The following KCP variants were observed in gnomAD, a reference collection of about 807,000 sequenced individuals.
KCP encodes kielin cysteine rich BMP regulator.
A neutral mutation model predicts 212.7 loss-of-function variants in KCP; 194 were observed. That is an observed-to-expected ratio of 0.91 (90% CI 0.81 to 1.03). The LOEUF (loss-of-function observed/expected upper bound fraction) is 1.03, where lower values mean the gene tolerates loss of function less well. Ranked by LOEUF, KCP falls within the 50% of genes least tolerant of loss-of-function variation. The pLI is 0.00. For missense variants in KCP, 2,080 were observed against 2,162.5 expected, an observed-to-expected ratio of 0.96 and a Z score of 0.76; for synonymous variants, 833 against 865.3, an observed-to-expected ratio of 0.96 and a Z score of 0.65.
chr7:128,884,205 C>CT lies in KCP; in HGVS notation c.3124-84dup. ...TGGCCGGGACTTCCGGCCCCTCCCT[C>CT]TGCCTGCTGCAGCCTCTTCCGGGAC... On this transcript the variant is annotated intron_variant, in intron 28 of 39. Transcript: ENST00000610776. The CT allele has an allele frequency of 2.0e-6, 3 of 1,465,948 alleles. No homozygotes were observed. In the South Asian group the frequency reaches 3.9e-5, roughly 19 times the overall value. 90.8% of individuals were successfully genotyped at this position (1,465,948 alleles called of 1,614,324 possible).
chr7:128,890,211 C>G (rs1472433520), intron 21 of KCP, 132 bp downstream of exon 21: 1 of 1,513,610 alleles, frequency 6.6e-7, no homozygotes, highest in South Asian at 1.2e-5. Flanking sequence ...TCAGCTAGGG[C>G]TCCCAGCCTC....
chr7:128,897,478 G>T (rs938129127), intron 8 of KCP, among the ~76,000 whole-genome samples: 1 of 152,160 alleles, frequency 6.6e-6, no homozygotes, highest in African/African-American at 2.4e-5. Flanking sequence ...TTGTGTGTGT[G>T]ATGTTTATAT....
Position 128,910,539 on chromosome 7 carries a change from G to T in KCP, c.76+62C>A, listed in dbSNP as rs138161694. On this transcript the variant is annotated intron_variant, in intron 1 of 39. Coordinates refer to ENST00000610776, the MANE Select transcript of KCP (RefSeq NM_001366122.1). ...CAGCCCCTCTCGGCCCCCTCAGGCCGGGCTGATAGGAGGGAGGGGGCGCAC... is the reference window on the plus strand; with the variant it reads ...CAGCCCCTCTCGGCCCCCTCAGGCCTGGCTGATAGGAGGGAGGGGGCGCAC... 1,746 of 1,429,348 alleles carry T rather than the reference G, an allele frequency of 1.2e-3. 38 individuals are homozygous for T. In the East Asian group the frequency reaches 0.041, roughly 34 times the overall value. 88.5% of individuals were successfully genotyped at this position (1,429,348 alleles called of 1,614,324 possible).
intron 23 of KCP, 117 bp downstream of exon 23, chr7:128,887,098 A>G: frequency 9.2e-7 from 1 of 1,090,838 alleles, no homozygotes; most frequent in Non-Finnish European, 1.4e-6. Context: ...CTGTCCCATG[A>G]GATGTGAAGG....
chr7:128,902,737 G>T, intron 8 of KCP, 40 bp downstream of exon 8: 1 of 1,510,318 alleles, frequency 6.6e-7, no homozygotes, highest in Non-Finnish European at 9.0e-7. Context: ...GGGCCTGAGG[G>T]CAGGGAGGGG....
In KCP at chr7:128,876,885, A is replaced by T; in HGVS notation, c.*158T>A. 1 of 790,256 alleles carries T rather than the reference A, an allele frequency of 1.3e-6. No homozygotes were observed. The highest frequency in any genetic ancestry group is 1.9e-6 in the Non-Finnish European group (1 of 526,648). 49.0% of individuals were successfully genotyped at this position (790,256 alleles called of 1,614,324 possible). A position where few individuals can be genotyped will look rare whatever the true frequency, so the allele number is the denominator to read the frequency against. Reference sequence around the variant, plus strand: ...AAGCCTTCGGGCAGGCCTAGAGTTTACTGCTGGTGACTCAACATGGCGGGG... The same window carrying T: ...AAGCCTTCGGGCAGGCCTAGAGTTTTCTGCTGGTGACTCAACATGGCGGGG... On this transcript the variant is annotated 3_prime_UTR_variant, in exon 40 of 40. Coordinates refer to ENST00000610776, the MANE Select transcript of KCP (RefSeq NM_001366122.1).
chr7:128,878,500 A>G, intron 38 of KCP, 58 bp downstream of exon 38: 1 of 1,494,782 alleles, frequency 6.7e-7, no homozygotes, highest in South Asian at 1.3e-5. Context: ...GGTTGCTCTG[A>G]GACTCATGCT....
intron 1 of KCP, among the ~76,000 whole-genome samples, chr7:128,909,170 C>T (rs1795303575): frequency 6.6e-6 from 1 of 152,218 alleles, no homozygotes; most frequent in Admixed American, 6.5e-5. Flanking sequence ...CCACTTTCAC[C>T]TTTTCACTTT....
chr7:128,886,834 C>T (rs753563360), intron 24 of KCP, 42 bp downstream of exon 24: 99 of 1,221,760 alleles, frequency 8.1e-5, no homozygotes, highest in East Asian at 1.7e-4. Flanking sequence ...GAGGGAGAGG[C>T]GGGGAAGGGC....
chr7:128,888,403 CACAT>C (rs1481726845), intron 22 of KCP, among the ~76,000 whole-genome samples: 7 of 151,054 alleles, frequency 4.6e-5, no homozygotes, highest in Non-Finnish European at 7.4e-5. Context: ...CACAGATACA[CACAT>C]ACACACATAC....
At chr7:128,896,889 CAAAAA>C (rs35522047) in intron 8 of KCP, among the ~76,000 whole-genome samples, 4 of 58,084 alleles carry the variant, frequency 6.9e-5, no homozygotes, top group African/African-American at 2.7e-4. Flanking sequence ...GACTCCATCT[CAAAAA>C]AAAAAAAAAA....
intron 8 of KCP, among the ~76,000 whole-genome samples, chr7:128,899,330 G>T (rs1794706022): frequency 6.6e-6 from 1 of 152,152 alleles, no homozygotes; most frequent in Admixed American, 6.5e-5. Flanking sequence ...AACAATTGTT[G>T]TCTTGTTTTA....
At chr7:128,899,872 A>ATGATTCCTT in intron 8 of KCP, among the ~76,000 whole-genome samples, 2 of 151,888 alleles carry the variant, frequency 1.3e-5, no homozygotes, top group African/African-American at 4.9e-5. Flanking sequence ...TTAAGGAATC[A>ATGATTCCTT]AATTTGACTT....
At position 128,876,907 on chromosome 7, in the gene KCP, G is replaced by C. The variant is rs765647490; in HGVS notation, c.*136C>G. 11 of 1,017,860 alleles carry C rather than the reference G, an allele frequency of 1.1e-5. No individual in the cohort carries two copies. The highest frequency in any genetic ancestry group is 1.4e-5 in the Non-Finnish European group (10 of 723,578). The allele number at this position is 1,017,860 out of a possible 1,614,324, so 63.1% of individuals were successfully genotyped here. ...TTTACTGCTGGTGACTCAACATGGCGGGGGTCTTTGCAGGGCAGGGGCCCA... is the reference window on the plus strand; with the variant it reads ...TTTACTGCTGGTGACTCAACATGGCCGGGGTCTTTGCAGGGCAGGGGCCCA... On this transcript the variant is annotated 3_prime_UTR_variant, in exon 40 of 40. Coordinates refer to ENST00000610776, the MANE Select transcript of KCP (RefSeq NM_001366122.1).
chr7:128,891,432 C>T lies in KCP; in HGVS notation c.1878+19G>A. On this transcript the variant is annotated intron_variant, in intron 18 of 39. Transcript: ENST00000610776. ...CGCCTCCACTCCCCTGGGCGCCTCC[C>T]ACCCAGGTGCAGACTCACCAGACAG... 4 of 1,549,936 alleles carry T rather than the reference C, an allele frequency of 2.6e-6. No homozygotes were observed. The highest frequency in any genetic ancestry group is 2.4e-5 in the East Asian group (1 of 40,908).
intron 5 of KCP, chr7:128,904,517 G>A: frequency 1.4e-6 from 1 of 698,412 alleles, no homozygotes; most frequent in Admixed American, 2.7e-5. Flanking sequence ...AGGCCTAGCA[G>A]GCTTCAGCCC....
intron 2 of KCP, among the ~76,000 whole-genome samples, chr7:128,907,663 C>T (rs555910863): frequency 6.6e-6 from 1 of 152,298 alleles, no homozygotes; most frequent in Admixed American, 6.5e-5. Flanking sequence ...AAATGGGGAC[C>T]CAACCCTTGC....
In KCP at chr7:128,891,700, TG is replaced by T; in HGVS notation, c.1740del (p.Arg581GlyfsTer46). On this transcript the variant is annotated frameshift_variant, in exon 17 of 40. Transcript: ENST00000610776. LOFTEE classifies it high-confidence loss of function. ...GHAHCQPRPC[P>X]RAPCAHPLPG... ...GGCAGCGGGTGGGCACAGGGGGCCC[TG>T]GGGCAGGGGCGAGGCTGGCAGTGGG... 1 of 1,448,748 alleles carries T rather than the reference TG, an allele frequency of 6.9e-7. No individual in the cohort carries two copies. 89.7% of individuals were successfully genotyped at this position (1,448,748 alleles called of 1,614,324 possible).
At chr7:128,885,703 C>T (rs1348054044) in intron 26 of KCP, among the ~76,000 whole-genome samples, 1 of 152,172 alleles carries the variant, frequency 6.6e-6, no homozygotes, top group Non-Finnish European at 1.5e-5. Context: ...CCTCCCAGAG[C>T]AAGTGAAATG....
Sources: allele counts gnomAD v4.1 joint callset (sites outside exome capture counted in the v4.1 genomes callset), GRCh38; gene constraint gnomAD v4.1.1; transcripts MANE v1.5; gene names NCBI Gene and HGNC (gene_info 2026-07-23, HGNC 2026-07-21).